Variants in DUSP15 observed in about 807,000 individuals in gnomAD.
DUSP15 encodes dual specificity phosphatase 15.
A neutral mutation model predicts 26.3 loss-of-function variants in DUSP15; 23 were observed. The ratio of observed to expected loss-of-function variants is 0.87; its 90% confidence interval spans 0.63 to 1.24. The LOEUF (loss-of-function observed/expected upper bound fraction) is 1.24, where lower values mean the gene tolerates loss of function less well. Ranked by LOEUF, DUSP15 falls within the 50% of genes most tolerant of loss-of-function variation. The pLI, the probability that DUSP15 is intolerant of heterozygous loss-of-function variation, is 0.00. For missense variants in DUSP15, 364 were observed against 320.6 expected (o/e 1.14, Z -1.03); for synonymous variants, 143 against 135.5 (o/e 1.06, Z -0.39).
At chr20:31,869,742 G>A in intron 1 of DUSP15, 145 bp from the exon 2 acceptor site, 1 of 1,496,562 alleles carries the variant, frequency 6.7e-7, no homozygotes, top group Non-Finnish European at 8.9e-7. Context: ...CCTTTTGTGG[G>A]CCCTGAGTCC....
intron 6 of DUSP15, among the ~76,000 whole-genome samples, chr20:31,852,988 TGGGGGCCTTG>T (rs144479053): frequency 0.019 from 2,917 of 151,910 alleles, 47 homozygotes; most frequent in Non-Finnish European, 0.027. Flanking sequence ...GGATTGGGGA[TGGGGGCCTTG>T]GGGGGGCATT....
At chr20:31,869,750 T>A in intron 1 of DUSP15, 153 bp from the exon 2 acceptor site, 3 of 1,487,290 alleles carry the variant, frequency 2.0e-6, no homozygotes, top group Non-Finnish European at 2.7e-6. Flanking sequence ...GGGCCCTGAG[T>A]CCTCTGTGAG....
Position 31,861,602 on chromosome 20 carries a change from G to T in DUSP15, c.509C>A (p.Pro170Gln), listed in dbSNP as rs1364582626. 7 of 1,493,682 alleles carry T rather than the reference G, an allele frequency of 4.7e-6. No homozygotes were observed. Among genetic ancestry groups the T allele is most frequent in the Admixed American group, 2.2e-5 (1 of 45,528 alleles). The allele number at this position is 1,493,682 out of a possible 1,614,324, so 92.5% of individuals were successfully genotyped here. A position where few individuals can be genotyped will look rare whatever the true frequency, so the allele number is the denominator to read the frequency against. ...GCCCTGCCGGCAGCGCTTGCACAGC[G>T]GCAGCAGCGCGCGCAACTCCTCCTC... ...RDEEELRALL[P>Q]LCKRCRQGSA... The change falls in exon 7 of 7, where the codon CCG (proline) becomes CAG (glutamine). Residue 170 changes from proline to glutamine, a missense_variant. Pro to Gln is a moderately conservative substitution (Grantham distance 76). Transcript: ENST00000339738.
chr20:31,850,788 G>A (rs1005426192), intron 6 of DUSP15: 11 of 1,142,888 alleles, frequency 9.6e-6, no homozygotes, highest in South Asian at 8.0e-5. Context: ...AGTCCTTACT[G>A]TGGTCAACCA....
Position 31,861,439 on chromosome 20 carries a change from G to A in DUSP15, c.672C>T (p.Cys224=), listed in dbSNP as rs780784853. The change falls in exon 7 of 7, where the codon TGC becomes TGT. Residue 224 remains cysteine, a synonymous_variant. Coordinates refer to ENST00000339738, the MANE Select transcript of DUSP15 (RefSeq NM_080611.5). ...CCTTGCGGGACAGACACCGGGGGAG[G>A]CAAGAGAAAGTCTGCTTGACGCGCG... is the stretch of plus-strand genomic sequence containing the variant. ...LLARVKQTFS[C]LPRCLSRKGG... 5 of 1,559,904 alleles carry A rather than the reference G, an allele frequency of 3.2e-6. No individual in the cohort carries two copies. The highest frequency in any genetic ancestry group is 3.4e-6 in the Non-Finnish European group (4 of 1,163,302).
In DUSP15 at chr20:31,861,542, G is replaced by A; in HGVS notation, c.569C>T (p.Ser190Leu). Residue 190 changes from serine (S) to leucine (L), a missense_variant, in exon 7 of 7, where the codon TCA becomes TTA. Transcript: ENST00000339738. ...ATSASSAGPH[S>L]AASEGTVQRL... ...CTGCACGGTTCCCTCGGAGGCTGCTGAGTGCGGCCCGGCGGAGGAGGCCGA... is the reference window on the plus strand; with the variant it reads ...CTGCACGGTTCCCTCGGAGGCTGCTAAGTGCGGCCCGGCGGAGGAGGCCGA... The A allele has an allele frequency of 1.3e-6, 2 of 1,511,572 alleles. No individual in the cohort carries two copies. Among genetic ancestry groups the A allele is most frequent in the Non-Finnish European group, 1.8e-6 (2 of 1,138,046 alleles). The allele number at this position is 1,511,572 out of a possible 1,614,324, so 93.6% of individuals were successfully genotyped here.
In DUSP15 at chr20:31,864,955, G is replaced by A; in HGVS notation, c.186C>T (p.Pro62=). 6.2e-7 allele frequency: 1 copy of A among 1,613,872 alleles called. No individual in the cohort carries two copies. The highest frequency in any genetic ancestry group is 8.5e-7 in the Non-Finnish European group (1 of 1,179,906). ...RIPVADTPEV[P]IKKHFKECIN... Reference sequence around the variant, plus strand: ...TGGGTCCATCCAGGGGAACTTACATGGGTACCTCAGGGGTATCAGCGACCG... The same window carrying A: ...TGGGTCCATCCAGGGGAACTTACATAGGTACCTCAGGGGTATCAGCGACCG... Residue 62 remains proline, a splice_region_variant and synonymous_variant, in exon 4 of 7, where the codon CCC becomes CCT. Coordinates refer to ENST00000339738, the MANE Select transcript of DUSP15 (RefSeq NM_080611.5).
chr20:31,867,635 T>TG (rs2062799360), intron 2 of DUSP15, among the ~76,000 whole-genome samples: 7 of 21,318 alleles, frequency 3.3e-4, no homozygotes, highest in African/African-American at 1.0e-3. Context: ...CACAATGTTT[T>TG]TTTTTTTTTT....
chr20:31,860,315 T>C (rs1479009251), downstream of DUSP15, among the ~76,000 whole-genome samples: 2 of 152,342 alleles, frequency 1.3e-5, no homozygotes, highest in Admixed American at 6.5e-5. Context: ...AAGAACCCCA[T>C]ACGAGTGGCT....
At chr20:31,859,148 G>A (rs1319506424), downstream of DUSP15, among the ~76,000 whole-genome samples, 2 of 152,144 alleles carry the variant, frequency 1.3e-5, no homozygotes, top group Non-Finnish European at 2.9e-5. Flanking sequence ...GGAGCCAGGA[G>A]CCAAAATGTG....
exon 10 of DUSP15, chr20:31,848,083 G>T: frequency 3.1e-6 from 1 of 317,712 alleles, no homozygotes; most frequent in East Asian, 6.2e-5. Context: ...GGACTCAACA[G>T]CAGGTTAAGG....
intron 6 of DUSP15, among the ~76,000 whole-genome samples, chr20:31,854,706 G>A (rs1237117188): frequency 6.6e-6 from 1 of 152,154 alleles, no homozygotes; most frequent in Admixed American, 6.5e-5. Context: ...AGGGCGTGGT[G>A]CACTCAGGGG....
chr20:31,852,496 A>G (rs2062487144), intron 6 of DUSP15, among the ~76,000 whole-genome samples: 1 of 152,194 alleles, frequency 6.6e-6, no homozygotes. Context: ...ACAGCGGCAG[A>G]CACAATGTGG....
In DUSP15 at chr20:31,861,549, G is replaced by T. The variant is rs1412665756; in HGVS notation, c.562C>A (p.Pro188Thr). The part of the protein sequence containing the change: ...GSATSASSAG[P>T]HSAASEGTVQ... ...GTTCCCTCGGAGGCTGCTGAGTGCG[G>T]CCCGGCGGAGGAGGCCGAGGTCGCG... Residue 188 changes from proline (P) to threonine (T), a missense_variant, in exon 7 of 7, where the codon CCG (proline) becomes ACG (threonine). By Grantham distance (38) the Pro-to-Thr change is conservative. Coordinates refer to ENST00000339738, the MANE Select transcript of DUSP15 (RefSeq NM_080611.5). 6.6e-7 allele frequency: 1 copy of T among 1,506,126 alleles called. No individual in the cohort carries two copies. The highest frequency in any genetic ancestry group is 1.2e-5 in the South Asian group (1 of 80,874). 93.3% of individuals were successfully genotyped at this position (1,506,126 alleles called of 1,614,324 possible). A position where few individuals can be genotyped will look rare whatever the true frequency, so the allele number is the denominator to read the frequency against.
chr20:31,846,747 G>C (rs1378353718), downstream of DUSP15, among the ~76,000 whole-genome samples: 1 of 152,152 alleles, frequency 6.6e-6, no homozygotes, highest in Admixed American at 6.5e-5. Context: ...GACTGGTGTG[G>C]GAAGGACAGC....
At chr20:31,866,865 G>A (rs1336917852) in intron 3 of DUSP15, among the ~76,000 whole-genome samples, 1 of 152,196 alleles carries the variant, frequency 6.6e-6, no homozygotes, top group Non-Finnish European at 1.5e-5. Context: ...CAGCTTCCTG[G>A]ATGTGTGACC....
chr20:31,849,892 G>T (rs1487545672), intron 7 of DUSP15: 11 of 1,476,120 alleles, frequency 7.5e-6, no homozygotes, highest in Non-Finnish European at 8.9e-6. Context: ...GCGAGAGAGG[G>T]TGCACGGGCT....
At chr20:31,868,511 G>T (rs2062824543) in intron 2 of DUSP15, among the ~76,000 whole-genome samples, 1 of 120,338 alleles carries the variant, frequency 8.3e-6, no homozygotes. Context: ...ACAGAGTCTC[G>T]CTCTGTTGCC....
chr20:31,854,590 T>C (rs563631663), intron 6 of DUSP15, among the ~76,000 whole-genome samples: 7 of 152,222 alleles, frequency 4.6e-5, no homozygotes, highest in African/African-American at 1.7e-4. Context: ...CAGTATGTAT[T>C]TGTTGAATGC....
Sources: gnomAD v4.1 joint callset for allele counts (sites outside exome capture counted in the v4.1 genomes callset) on GRCh38, gnomAD v4.1.1 for gene constraint, MANE v1.5 for transcripts, NCBI Gene and HGNC (gene_info 2026-07-23, HGNC 2026-07-21) for gene names.